The following TERB1 variants were observed in gnomAD, a reference collection of about 807,000 sequenced individuals.
TERB1 encodes telomere repeats-binding bouquet formation protein 1.
TERB1 carries 63 observed loss-of-function variants against 92.3 expected under a neutral mutation model. That is an observed-to-expected ratio of 0.68 (90% CI 0.56 to 0.84). The LOEUF is 0.84. Among genes scored for constraint, TERB1 ranks in the 40% least tolerant of loss-of-function variants. The pLI is 0.00. For missense variants in TERB1, 709 were observed against 843.7 expected, an observed-to-expected ratio of 0.84 and a Z score of 1.98; for synonymous variants, 252 against 283.9, an observed-to-expected ratio of 0.89 and a Z score of 1.13.
chr16:66,793,101 G>A (rs2018863723), intron 3 of TERB1, among the ~76,000 whole-genome samples: 1 of 150,010 alleles, frequency 6.7e-6, no homozygotes, highest in African/African-American at 2.4e-5. Flanking sequence ...TTAGAGTTCT[G>A]AAAGATATAG....
rs1402523569 is a variant in TERB1 at position 66,786,205 on chromosome 16, A to G, written c.461+20T>C. The G allele has an allele frequency of 6.5e-7, 1 of 1,542,632 alleles. No individual in the cohort carries two copies. The highest frequency in any genetic ancestry group is 2.5e-5 in the East Asian group (1 of 40,796). The stretch of plus-strand genomic sequence containing the variant: ...CCTAAGTAATGAATAATTAACAAAA[A>G]GAAATTTGTATTTGTTTACCTGAAT... On this transcript the variant is annotated intron_variant, in intron 7 of 18. Transcript: ENST00000433154.
At chr16:66,757,975 G>A (rs1427097900) in intron 18 of TERB1, among the ~76,000 whole-genome samples, 2 of 152,028 alleles carry the variant, frequency 1.3e-5, no homozygotes, top group African/African-American at 4.8e-5. Flanking sequence ...AATTTTTATT[G>A]TTTCAAGCAC....
At chr16:66,776,927 G>T (rs2018558687) in intron 11 of TERB1, among the ~76,000 whole-genome samples, 1 of 151,902 alleles carries the variant, frequency 6.6e-6, no homozygotes, top group Non-Finnish European at 1.5e-5. Context: ...GGTGAAAGAT[G>T]TTGTGGGTTT....
chr16:66,771,832 T>C (rs897578540), intron 13 of TERB1, among the ~76,000 whole-genome samples: 2 of 152,228 alleles, frequency 1.3e-5, no homozygotes, highest in African/African-American at 4.8e-5. Flanking sequence ...AAAATCACTA[T>C]ATTATACTAA....
intron 16 of TERB1, among the ~76,000 whole-genome samples, chr16:66,762,012 C>T (rs968274774): frequency 3.3e-5 from 5 of 152,330 alleles, no homozygotes; most frequent in Middle Eastern, 3.4e-3. Context: ...GAGATCACAC[C>T]GCTGCACGCC....
intron 2 of TERB1, among the ~76,000 whole-genome samples, chr16:66,798,715 A>G (rs1185706853): frequency 1.3e-5 from 2 of 152,176 alleles, no homozygotes; most frequent in Non-Finnish European, 2.9e-5. Flanking sequence ...ACATATTAAC[A>G]CTTGTCTTTA....
chr16:66,795,133 T>C (rs2018908396), intron 3 of TERB1, among the ~76,000 whole-genome samples: 1 of 152,094 alleles, frequency 6.6e-6, no homozygotes, highest in Admixed American at 6.5e-5. Flanking sequence ...AAAATCACAA[T>C]CTAAAGTGTG....
At chr16:66,777,528 TGGC>T (rs1162982544) in intron 10 of TERB1, among the ~76,000 whole-genome samples, 194 bp from the exon 11 acceptor site, 1 of 152,216 alleles carries the variant, frequency 6.6e-6, no homozygotes, top group African/African-American at 2.4e-5. Context: ...TGTAATAAGA[TGGC>T]GGCCTATTAC....
At chr16:66,776,548 G>T (rs1231052504) in intron 11 of TERB1, among the ~76,000 whole-genome samples, 1 of 151,694 alleles carries the variant, frequency 6.6e-6, no homozygotes, top group Non-Finnish European at 1.5e-5. Flanking sequence ...AGTAAGGGAA[G>T]GAAGAAAGAG....
chr16:66,800,611 C>T (rs943712477), intron 2 of TERB1, among the ~76,000 whole-genome samples: 1 of 151,838 alleles, frequency 6.6e-6, no homozygotes, highest in Non-Finnish European at 1.5e-5. Context: ...TAAATGGCAT[C>T]TTTTTGTGTA....
intron 6 of TERB1, 62 bp downstream of exon 6, chr16:66,788,107 T>G (rs776439654): frequency 4.4e-5 from 55 of 1,248,124 alleles, no homozygotes; most frequent in Non-Finnish European, 5.7e-5. Flanking sequence ...AAATAAAAAA[T>G]TAATAATGGC....
At chr16:66,765,790 TC>T (rs1567467115) in intron 16 of TERB1, among the ~76,000 whole-genome samples, 1 of 150,696 alleles carries the variant, frequency 6.6e-6, no homozygotes, top group African/African-American at 2.4e-5. Context: ...TATATGTGCA[TC>T]TGCTGGGAGG....
chr16:66,783,894 C>T (rs1205615748), intron 9 of TERB1, among the ~76,000 whole-genome samples: 3 of 152,192 alleles, frequency 2.0e-5, no homozygotes, highest in African/African-American at 7.2e-5. Flanking sequence ...CCGTGCCCAG[C>T]TTGTGTTAAG....
At chr16:66,780,065 C>A (rs2018611539) in intron 9 of TERB1, among the ~76,000 whole-genome samples, 1 of 152,122 alleles carries the variant, frequency 6.6e-6, no homozygotes. Context: ...CAGGGTTTGA[C>A]CATGTTCCCC....
chr16:66,794,981 T>C (rs145593737), intron 3 of TERB1, among the ~76,000 whole-genome samples: 42 of 151,716 alleles, frequency 2.8e-4, no homozygotes, highest in African/African-American at 1.0e-3. Context: ...GACTTAACAT[T>C]TTAAACCTTT....
intron 13 of TERB1, 81 bp downstream of exon 13, chr16:66,772,508 G>C: frequency 8.0e-7 from 1 of 1,250,464 alleles, no homozygotes; most frequent in South Asian, 1.4e-5. Context: ...AAATTTATAT[G>C]TCAGTGTAGT....
chr16:66,770,693 C>T (rs1176790769), intron 13 of TERB1, among the ~76,000 whole-genome samples: 1 of 151,944 alleles, frequency 6.6e-6, no homozygotes, highest in South Asian at 2.1e-4. Flanking sequence ...CTAATATACT[C>T]GACCACATAA....
In TERB1 at chr16:66,755,040, T is replaced by C. The variant is rs534794633; in HGVS notation, c.2120A>G (p.Lys707Arg). ...GTATTTGTGAGCAAGGTCCACAGCC[T>C]TCCGTCCTTGCTGAAAGGGGAAAGA... ...LWSFPFQQGR[K>R]AVDLAHKYHK... Residue 707 changes from lysine to arginine, a missense_variant, in exon 19 of 19, where the codon AAG (lysine) becomes AGG (arginine). By Grantham distance (26) the Lys-to-Arg change is conservative. Transcript: ENST00000433154. The C allele has an allele frequency of 5.8e-6, 9 of 1,551,720 alleles. No individual in the cohort carries two copies. In the East Asian group the frequency reaches 2.0e-4, roughly 34 times the overall value.
chr16:66,762,343 A>G (rs1021255063), intron 16 of TERB1, among the ~76,000 whole-genome samples: 1 of 152,148 alleles, frequency 6.6e-6, no homozygotes, highest in Non-Finnish European at 1.5e-5. Context: ...TCATCTGTAA[A>G]TACTTCACAT....
Sources: allele counts gnomAD v4.1 joint callset (sites outside exome capture counted in the v4.1 genomes callset), GRCh38; gene constraint gnomAD v4.1.1; transcripts MANE v1.5; gene names NCBI Gene and HGNC (gene_info 2026-07-23, HGNC 2026-07-21).